BBS1: variants seen among roughly 807,000 people sequenced by gnomAD.
The protein encoded by BBS1 is BBSome complex member BBS1.
Under a neutral mutation model 73.9 loss-of-function variants are expected in BBS1, and 60 were observed. The ratio of observed to expected loss-of-function variants is 0.81; its 90% CI spans 0.66 to 1.01. The LOEUF (loss-of-function observed/expected upper bound fraction) is 1.01, where lower values mean the gene tolerates loss of function less well. Among genes scored for constraint, BBS1 ranks in the 50% least tolerant of loss-of-function variants. BBS1 has a pLI of 0.00. For missense variants in BBS1, 718 were observed against 770.3 expected (o/e 0.93, Z 0.80); for synonymous variants, 283 against 317.4 (o/e 0.89, Z 1.15).
intron 1 of BBS1, 27 bp from the exon 2 acceptor site, chr11:66,510,985 TC>T (rs1855929962): frequency 6.2e-7 from 1 of 1,612,880 alleles, no homozygotes; most frequent in Non-Finnish European, 8.5e-7. Flanking sequence ...TGGGACTCAC[TC>T]CCCAACTGTC....
At chr11:66,512,145 A>G (rs778068466) in intron 3 of BBS1, among the ~76,000 whole-genome samples, 1 of 151,424 alleles carries the variant, frequency 6.6e-6, no homozygotes, top group Admixed American at 6.6e-5. Context: ...AGAGAAATAT[A>G]TTGGGATAAA....
chr11:66,512,078 A>C (rs1263763729), intron 3 of BBS1, among the ~76,000 whole-genome samples: 3 of 148,122 alleles, frequency 2.0e-5, no homozygotes, highest in Admixed American at 1.4e-4. Flanking sequence ...ATATATATAC[A>C]TATATTTAAT....
intron 7 of BBS1, among the ~76,000 whole-genome samples, chr11:66,518,843 G>T (rs1413606000): frequency 6.8e-6 from 1 of 146,402 alleles, no homozygotes; most frequent in Non-Finnish European, 1.5e-5. Context: ...CTGGAGCATT[G>T]AACTCCTGGG....
At chr11:66,514,777 G>A (rs768810361) in intron 4 of BBS1, 99 bp downstream of exon 4, 11 of 1,431,268 alleles carry the variant, frequency 7.7e-6, no homozygotes, top group Non-Finnish European at 1.1e-5. Flanking sequence ...CTGGTGGCAG[G>A]AGGTCAGCTA....
intron 12 of BBS1, 140 bp downstream of exon 12, chr11:66,526,332 G>A: frequency 1.1e-6 from 1 of 901,092 alleles, no homozygotes; most frequent in Non-Finnish European, 1.7e-6. Context: ...GTGTCCTTCT[G>A]GAGCTAGGCC....
chr11:66,520,155 G>T (rs1856158537), intron 8 of BBS1, among the ~76,000 whole-genome samples: 1 of 152,126 alleles, frequency 6.6e-6, no homozygotes. Context: ...GTGAGACCCT[G>T]TCTCTAAAAA....
intron 3 of BBS1, among the ~76,000 whole-genome samples, chr11:66,511,962 C>T (rs1855956135): frequency 6.8e-6 from 1 of 148,120 alleles, no homozygotes; most frequent in South Asian, 2.1e-4. Context: ...CATGCCACTA[C>T]ACTCCAGCCT....
At chr11:66,526,383 C>T (rs757167202) in intron 12 of BBS1, among the ~76,000 whole-genome samples, 191 bp downstream of exon 12, 9 of 152,188 alleles carry the variant, frequency 5.9e-5, no homozygotes, top group Middle Eastern at 3.2e-3. Context: ...GGGCTGGATT[C>T]GATCTTTCTA....
Position 66,533,567 on chromosome 11 carries a change from A to T in BBS1, c.*1530A>T, listed in dbSNP as rs1049032089. ...TGTGAAAGTTAACTGCGGAGCCAAGAGTTGGACTATAATTAAATTACCTTC... is the reference window on the plus strand; with the variant it reads ...TGTGAAAGTTAACTGCGGAGCCAAGTGTTGGACTATAATTAAATTACCTTC... On this transcript the variant is annotated 3_prime_UTR_variant, in exon 17 of 17. Coordinates refer to ENST00000318312, the MANE Select transcript of BBS1 (RefSeq NM_024649.5). 5 of 152,226 alleles carry T rather than the reference A, an allele frequency of 3.3e-5. No homozygotes were observed. The highest frequency in any genetic ancestry group is 1.2e-4 in the African/African-American group (5 of 41,464). The allele number at this position is 152,226 out of a possible 1,614,324, so 9.4% of individuals were successfully genotyped here. A position where few individuals can be genotyped will look rare whatever the true frequency, so the allele number is the denominator to read the frequency against.
intron 9 of BBS1, among the ~76,000 whole-genome samples, chr11:66,522,111 GGAGGCT>G (rs1856261652): frequency 6.6e-6 from 1 of 150,626 alleles, no homozygotes; most frequent in African/African-American, 2.4e-5. Context: ...CAGCTACTCG[GGAGGCT>G]GAGGCAGGAG....
intron 7 of BBS1, 120 bp from the exon 8 acceptor site, chr11:66,519,497 A>G (rs1346142064): frequency 7.2e-6 from 10 of 1,395,548 alleles, no homozygotes; most frequent in Non-Finnish European, 1.0e-5. Context: ...CTTCTGTCAC[A>G]TCTCTGATAT....
chr11:66,531,635 C>A (rs781531464), intron 15 of BBS1, 21 bp from the exon 16 acceptor site: 3 of 1,614,028 alleles, frequency 1.9e-6, no homozygotes, highest in Non-Finnish European at 2.5e-6. Flanking sequence ...GGTTTCCTTA[C>A]TTCTTTGTCC....
intron 7 of BBS1, among the ~76,000 whole-genome samples, chr11:66,516,796 G>A (rs1028432633): frequency 3.4e-4 from 52 of 151,954 alleles, no homozygotes; most frequent in African/African-American, 1.2e-3. Context: ...AACTCAAGCA[G>A]TCCTCCTACC....
intron 11 of BBS1, 123 bp downstream of exon 11, chr11:66,524,005 C>A: frequency 7.2e-7 from 1 of 1,381,792 alleles, no homozygotes; most frequent in Non-Finnish European, 1.0e-6. Context: ...TGAGGCCAGG[C>A]ACAGTGGCTC....
At chr11:66,513,910 A>C (rs1855998057) in intron 3 of BBS1, among the ~76,000 whole-genome samples, 1 of 150,602 alleles carries the variant, frequency 6.6e-6, no homozygotes, top group Non-Finnish European at 1.5e-5. Flanking sequence ...GCAGCTTGGA[A>C]GATGGATTAG....
chr11:66,524,841 C>T (rs558036482), intron 11 of BBS1, among the ~76,000 whole-genome samples: 4 of 151,642 alleles, frequency 2.6e-5, no homozygotes, highest in Admixed American at 1.3e-4. Context: ...CTGAGGCAGG[C>T]GATCACAGTT....
chr11:66,530,070 T>C, intron 14 of BBS1, 118 bp downstream of exon 14: 2 of 1,423,664 alleles, frequency 1.4e-6, no homozygotes, highest in African/African-American at 1.4e-5. Flanking sequence ...CAGCCCGTGC[T>C]CCCCATCACC....
At chr11:66,519,578 G>A (rs1481840736) in intron 7 of BBS1, 39 bp from the exon 8 acceptor site, 3 of 1,612,732 alleles carry the variant, frequency 1.9e-6, no homozygotes, top group African/African-American at 2.7e-5. Flanking sequence ...GGGGTGGTGT[G>A]TGGAGGTTCC....
Position 66,532,076 on chromosome 11 carries a change from G to T in BBS1, c.*39G>T. 1 of 1,566,438 alleles carries T rather than the reference G, an allele frequency of 6.4e-7. No individual in the cohort carries two copies. On this transcript the variant is annotated 3_prime_UTR_variant, in exon 17 of 17. Transcript: ENST00000318312. ...GTGAAAGCCCCTGCACAATCAGCCA[G>T]GGAGAACTGGGCGGGTTTAGTGGCC...
Sources: allele counts gnomAD v4.1 joint callset (sites outside exome capture counted in the v4.1 genomes callset), GRCh38; gene constraint gnomAD v4.1.1; transcripts MANE v1.5; gene names NCBI Gene and HGNC (gene_info 2026-07-23, HGNC 2026-07-21).